PIPOX: variants seen among roughly 807,000 people sequenced by gnomAD.
PIPOX encodes peroxisomal sarcosine oxidase.
A neutral mutation model predicts 47.9 loss-of-function variants in PIPOX; 45 were observed. The observed-to-expected ratio is 0.94, with a 90% CI of 0.74 to 1.20. The LOEUF is 1.20. PIPOX is among the 50% of genes most tolerant of loss of function. PIPOX has a pLI of 0.00. For synonymous variants in PIPOX, 165 were observed against 191.3 expected, an observed-to-expected ratio of 0.86 and a Z score of 1.13; for missense variants, 458 against 498.4, an observed-to-expected ratio of 0.92 and a Z score of 0.77.
intron 6 of PIPOX, among the ~76,000 whole-genome samples, 177 bp from the exon 7 acceptor site, chr17:29,055,636 C>T (rs1020265243): frequency 1.3e-5 from 2 of 152,146 alleles, no homozygotes; most frequent in African/African-American, 2.4e-5. Flanking sequence ...GAAAGGCAGC[C>T]GGACAAATGA....
In PIPOX at chr17:29,043,278, A is replaced by C; in HGVS notation, c.53A>C (p.Gln18Pro). The change falls in exon 1 of 8, where the codon CAG becomes CCG. Residue 18 changes from glutamine (Q) to proline (P), a missense_variant. Transcript: ENST00000323372. ...GCCATTGTGATTGGGGCGGGGATCCAGGGCTGCTTCACTGCATACCACCTG... is the reference window on the plus strand; with the variant it reads ...GCCATTGTGATTGGGGCGGGGATCCCGGGCTGCTTCACTGCATACCACCTG... ...WDAIVIGAGIQGCFTAYHLAK... is the reference protein window; with the variant it reads ...WDAIVIGAGIPGCFTAYHLAK... The C allele has an allele frequency of 6.2e-7, 1 of 1,613,730 alleles. No individual in the cohort carries two copies. Among genetic ancestry groups the C allele is most frequent in the Non-Finnish European group, 8.5e-7 (1 of 1,179,768 alleles).
chr17:29,054,095 C>T (rs7217905), intron 4 of PIPOX, among the ~76,000 whole-genome samples: 20,058 of 151,902 alleles, frequency 0.13, 2,794 homozygotes, highest in African/African-American at 0.36. Context: ...GCCCAGGAGG[C>T]TGGCCTGAGC....
rs768526575 is a variant in PIPOX at position 29,053,418 on chromosome 17, A to G, written c.483A>G (p.Ala161=). Residue 161 remains alanine (A), a synonymous_variant, in exon 4 of 8, where the codon GCA becomes GCG. Coordinates refer to ENST00000323372, the MANE Select transcript of PIPOX (RefSeq NM_016518.3). ...AYKALRALQD[A]IRQLGGIVRD... ...CCCTGCTCCTGCCCTTTCAGGATGCAATTCGACAGCTAGGAGGCATAGTGC... is the reference window on the plus strand; with the variant it reads ...CCCTGCTCCTGCCCTTTCAGGATGCGATTCGACAGCTAGGAGGCATAGTGC... 1 of 1,609,234 alleles carries G rather than the reference A, an allele frequency of 6.2e-7. No individual in the cohort carries two copies. Among genetic ancestry groups the G allele is most frequent in the East Asian group, 2.2e-5 (1 of 44,762 alleles).
Position 29,056,618 on chromosome 17 carries a change from T to G in PIPOX, c.*313T>G. ...CTACAATCACAGAGTAGCAAGGACG[T>G]TTGAGATGGGTATATCAGTAAGAAG... On this transcript the variant is annotated 3_prime_UTR_variant, in exon 8 of 8. Transcript: ENST00000323372. 4.8e-6 allele frequency: 2 copies of G among 414,290 alleles called. No individual in the cohort carries two copies. Among genetic ancestry groups the G allele is most frequent in the Non-Finnish European group, 8.8e-6 (2 of 228,092 alleles). 25.7% of individuals were successfully genotyped at this position (414,290 alleles called of 1,614,324 possible).
At chr17:29,048,561 C>A (rs2065793877) in intron 2 of PIPOX, among the ~76,000 whole-genome samples, 1 of 152,220 alleles carries the variant, frequency 6.6e-6, no homozygotes, top group Non-Finnish European at 1.5e-5. Context: ...AAACCCAGCT[C>A]CCTGGCCCAT....
intron 2 of PIPOX, among the ~76,000 whole-genome samples, chr17:29,050,146 G>C (rs901039732): frequency 1.2e-4 from 18 of 152,138 alleles, no homozygotes; most frequent in Middle Eastern, 6.8e-3. Flanking sequence ...GAAAGAAGGA[G>C]GAAAGAAAGG....
chr17:29,050,833 A>T (rs1356320046), intron 2 of PIPOX, among the ~76,000 whole-genome samples: 1 of 151,064 alleles, frequency 6.6e-6, no homozygotes, highest in African/African-American at 2.4e-5. Context: ...TCCATTAAAA[A>T]AAAAAAAGAA....
At chr17:29,049,938 A>G (rs778263280) in intron 2 of PIPOX, among the ~76,000 whole-genome samples, 1 of 152,224 alleles carries the variant, frequency 6.6e-6, no homozygotes, top group Admixed American at 6.5e-5. Context: ...AATCGGCACA[A>G]TTACATTCAC....
intron 2 of PIPOX, among the ~76,000 whole-genome samples, chr17:29,052,718 C>T (rs140475035): frequency 6.6e-6 from 1 of 152,358 alleles, no homozygotes; most frequent in East Asian, 1.9e-4. Context: ...TGACACCATG[C>T]TTGGCTACTT....
At position 29,043,312 on chromosome 17, in the gene PIPOX, C is replaced by T; in HGVS notation, c.87C>T (p.His29=). The T allele has an allele frequency of 1.2e-6, 2 of 1,613,596 alleles. No homozygotes were observed. Among genetic ancestry groups the T allele is most frequent in the Non-Finnish European group, 8.5e-7 (1 of 1,179,576 alleles). ...GCFTAYHLAK[H]RKRILLLEQF... is the part of the protein sequence containing the mutation. ...TCACTGCATACCACCTGGCCAAACA[C>T]AGGAAGAGGATCCTCCTGCTGGAGC... The change falls in exon 1 of 8, where the codon CAC becomes CAT. Residue 29 remains histidine (H), a synonymous_variant. Coordinates refer to ENST00000323372, the MANE Select transcript of PIPOX (RefSeq NM_016518.3).
intron 4 of PIPOX, 32 bp from the exon 5 acceptor site, chr17:29,054,512 TC>T: frequency 6.2e-7 from 1 of 1,611,464 alleles, no homozygotes; most frequent in African/African-American, 1.3e-5. Context: ...CCATGGCTTT[TC>T]TTCATTTCCC....
intron 2 of PIPOX, among the ~76,000 whole-genome samples, chr17:29,049,925 T>C (rs1340209984): frequency 6.6e-5 from 10 of 152,184 alleles, no homozygotes; most frequent in African/African-American, 2.4e-4. Context: ...GCAAAATGAT[T>C]ACAATCGGCA....
At chr17:29,051,939 C>T (rs966189665) in intron 2 of PIPOX, 3 of 470,216 alleles carry the variant, frequency 6.4e-6, no homozygotes, top group Non-Finnish European at 1.3e-5. Flanking sequence ...GGTGAGTGGG[C>T]GGTACCACCC....
intron 5 of PIPOX, 96 bp downstream of exon 5, chr17:29,054,787 G>C (rs996224196): frequency 1.1e-4 from 155 of 1,403,884 alleles, no homozygotes; most frequent in Non-Finnish European, 1.5e-4. Flanking sequence ...TGGGTCTCGG[G>C]GCCAGCAGCA....
intron 2 of PIPOX, among the ~76,000 whole-genome samples, 182 bp from the exon 3 acceptor site, chr17:29,052,738 T>G (rs1287930584): frequency 6.6e-6 from 1 of 152,170 alleles, no homozygotes; most frequent in Non-Finnish European, 1.5e-5. Context: ...TTTTAAAAAT[T>G]TTTTACTTTT....
chr17:29,051,806 T>A (rs2065807495), intron 2 of PIPOX: 2 of 398,482 alleles, frequency 5.0e-6, no homozygotes, highest in Non-Finnish European at 1.0e-5. Context: ...TGGGGTGGAA[T>A]CTTCTCGAGC....
rs1278682024 is a variant in PIPOX, at chr17:29,056,993, AC to A, written c.*689del. 1.3e-5 allele frequency: 2 copies of A among 151,990 alleles called. No homozygotes were observed. The highest frequency in any genetic ancestry group is 6.6e-5 in the Admixed American group (1 of 15,250). The allele number at this position is 151,990 out of a possible 1,614,324, so 9.4% of individuals were successfully genotyped here. A position where few individuals can be genotyped will look rare whatever the true frequency, so the allele number is the denominator to read the frequency against. On this transcript the variant is annotated 3_prime_UTR_variant, in exon 8 of 8. Transcript: ENST00000323372. The stretch of plus-strand genomic sequence containing the variant: ...AGTGAGACTCTGTCTCAAAAAAAAA[AC>A]AAAACAAAAAAAACCTCTTTGCTGG...
chr17:29,052,982 A>C lies in PIPOX; in HGVS notation c.326A>C (p.Asn109Thr), dbSNP rs750890776. 2 of 1,614,154 alleles carry C rather than the reference A, an allele frequency of 1.2e-6. No individual in the cohort carries two copies. Among genetic ancestry groups the C allele is most frequent in the African/African-American group, 2.7e-5 (2 of 74,950 alleles). ...CAAGAATTAAAGACAATCCAGGCCA[A>C]TCTGTCGAGGCAGAGGGTAGAACAC... ...ENQELKTIQA[N>T]LSRQRVEHQC... is the part of the protein sequence containing the mutation. The change falls in exon 3 of 8, where the codon AAT becomes ACT. Residue 109 changes from asparagine (N) to threonine (T), a missense_variant. By Grantham distance (65) the Asn-to-Thr change is moderately conservative. Transcript: ENST00000323372.
At chr17:29,053,777 T>A (rs1194236786) in intron 4 of PIPOX, 182 bp downstream of exon 4, 1 of 484,108 alleles carries the variant, frequency 2.1e-6, no homozygotes, top group Admixed American at 3.4e-5. Flanking sequence ...CATAGGGCTG[T>A]TGGAGAATTA....
Sources: allele counts gnomAD v4.1 joint callset (sites outside exome capture counted in the v4.1 genomes callset), GRCh38; gene constraint gnomAD v4.1.1; transcripts MANE v1.5; gene names NCBI Gene and HGNC (gene_info 2026-07-23, HGNC 2026-07-21).